Variants in WSCD2 observed in about 807,000 individuals in gnomAD.
WSCD2 encodes the protein sialate:O-sulfotransferase 2.
WSCD2 carries 28 observed loss-of-function variants against 55.7 expected under a neutral mutation model. That is an observed-to-expected ratio of 0.50 (90% confidence interval 0.37 to 0.69). The LOEUF (loss-of-function observed/expected upper bound fraction) is 0.69, where lower values mean the gene tolerates loss of function less well. WSCD2 is among the 30% of genes least tolerant of loss of function. The pLI, the probability that WSCD2 is intolerant of heterozygous loss-of-function variation, is 0.00. For synonymous variants in WSCD2, 301 were observed against 301.9 expected (o/e 1.00, Z 0.03); for missense variants, 616 against 762.1 (o/e 0.81, Z 2.26).
At chr12:108,226,241 T>G (rs543456235) in intron 5 of WSCD2, among the ~76,000 whole-genome samples, 1 of 152,044 alleles carries the variant, frequency 6.6e-6, no homozygotes, top group Non-Finnish European at 1.5e-5. Flanking sequence ...TAGAAGCAAA[T>G]TGGGCAAAAG....
chr12:108,233,054 C>A (rs1888946506), intron 7 of WSCD2, 159 bp downstream of exon 7: 11 of 909,872 alleles, frequency 1.2e-5, no homozygotes, highest in Admixed American at 5.7e-5. Flanking sequence ...GGTACCCCCC[C>A]ACCTTCCTTT....
chr12:108,219,438 C>G (rs1375694191), intron 4 of WSCD2, among the ~76,000 whole-genome samples: 1 of 152,202 alleles, frequency 6.6e-6, no homozygotes, highest in African/African-American at 2.4e-5. Flanking sequence ...CATCATCACT[C>G]ACACCCTTTC....
chr12:108,170,233 T>C (rs1880097472), intron 1 of WSCD2, among the ~76,000 whole-genome samples: 2 of 152,170 alleles, frequency 1.3e-5, no homozygotes, highest in Non-Finnish European at 2.9e-5. Context: ...GCACAATTTA[T>C]TGCTTAGCTA....
chr12:108,194,620 A>G (rs1474060584), intron 1 of WSCD2, among the ~76,000 whole-genome samples: 1 of 152,204 alleles, frequency 6.6e-6, no homozygotes, highest in Admixed American at 6.5e-5. Flanking sequence ...AGCACATGGT[A>G]GACACTCAAT....
At chr12:108,239,932 G>A (rs1889590698) in intron 7 of WSCD2, among the ~76,000 whole-genome samples, 3 of 151,988 alleles carry the variant, frequency 2.0e-5, no homozygotes, top group Admixed American at 2.0e-4. Flanking sequence ...TGTTGCCCAG[G>A]CTGGTTTCGA....
chr12:108,211,932 G>T (rs768137365), intron 4 of WSCD2, among the ~76,000 whole-genome samples: 7 of 151,678 alleles, frequency 4.6e-5, no homozygotes, highest in Admixed American at 2.0e-4. Flanking sequence ...CAAAGTGCTG[G>T]AATTACAGGC....
At chr12:108,140,941 T>G (rs1876736819) in intron 1 of WSCD2, among the ~76,000 whole-genome samples, 1 of 152,268 alleles carries the variant, frequency 6.6e-6, no homozygotes, top group African/African-American at 2.4e-5. Context: ...TTCGCTCCCA[T>G]GCTGCTTTTC....
At chr12:108,142,840 G>A (rs1876978251) in intron 1 of WSCD2, among the ~76,000 whole-genome samples, 1 of 151,644 alleles carries the variant, frequency 6.6e-6, no homozygotes, top group South Asian at 2.1e-4. Context: ...TAGAGACAAG[G>A]TCTTGCTCTG....
intron 1 of WSCD2, among the ~76,000 whole-genome samples, chr12:108,169,064 C>T (rs926705701): frequency 3.9e-5 from 6 of 152,160 alleles, no homozygotes; most frequent in Non-Finnish European, 8.8e-5. Flanking sequence ...GGAGCACAAA[C>T]CCCACTGTGA....
At chr12:108,239,589 T>TG in intron 7 of WSCD2, among the ~76,000 whole-genome samples, 1 of 152,326 alleles carries the variant, frequency 6.6e-6, no homozygotes, top group Middle Eastern at 3.4e-3. Context: ...CCTCATTCTA[T>TG]GGGCCACAGG....
intron 1 of WSCD2, among the ~76,000 whole-genome samples, chr12:108,164,430 T>C (rs1879412976): frequency 1.3e-5 from 2 of 152,028 alleles, no homozygotes; most frequent in Admixed American, 6.6e-5. Context: ...CTTTGCTTGA[T>C]GTTATTTTTA....
In WSCD2 at chr12:108,134,734, G is replaced by C. The variant is rs141042385; in HGVS notation, c.-552+4808G>C. ...ACTTTTCACTGTTGGTGTCCCATTC[G>C]TACCTTGCTTTCTGTCCATCCTAAT... On this transcript the variant is annotated intron_variant, in intron 1 of 8. Transcript: ENST00000547525. Among the ~76,000 whole-genome samples the C allele has an allele frequency of 2.1e-3, 326 of 152,172 alleles. 2 individuals are homozygous for C. Among genetic ancestry groups the C allele is most frequent in the Non-Finnish European group, 3.8e-3 (261 of 68,006 alleles).
intron 1 of WSCD2, among the ~76,000 whole-genome samples, chr12:108,178,948 A>G (rs1237702107): frequency 6.6e-6 from 1 of 152,192 alleles, no homozygotes; most frequent in African/African-American, 2.4e-5. Flanking sequence ...CAACCTCTGA[A>G]GGAGATACTG....
intron 1 of WSCD2, among the ~76,000 whole-genome samples, chr12:108,143,349 C>T (rs1877051328): frequency 6.6e-6 from 1 of 152,108 alleles, no homozygotes; most frequent in Non-Finnish European, 1.5e-5. Flanking sequence ...ATGTGATCAA[C>T]CATGACACCT....
Position 108,146,981 on chromosome 12 carries a change from G to A in WSCD2, c.-552+17055G>A, listed in dbSNP as rs184688140. ...TCTCTTGCCATTTATTAAACAGATA[G>A]TAATTGAGCTTAGCTGGACCTAGAC... On this transcript the variant is annotated intron_variant, in intron 1 of 8. Transcript: ENST00000547525. 2.4e-3 allele frequency among the ~76,000 whole-genome samples: 366 copies of A among 152,346 alleles called. 2 individuals are homozygous for A. The highest frequency in any genetic ancestry group is 4.3e-3 in the Non-Finnish European group (292 of 68,032).
At chr12:108,226,892 A>G in intron 5 of WSCD2, 98 bp from the exon 6 acceptor site, 1 of 1,373,940 alleles carries the variant, frequency 7.3e-7, no homozygotes, top group East Asian at 2.3e-5. Flanking sequence ...GACAGAGAAG[A>G]CAGTGGTTGA....
chr12:108,169,320 G>A (rs1879980937), intron 1 of WSCD2, among the ~76,000 whole-genome samples: 1 of 152,070 alleles, frequency 6.6e-6, no homozygotes, highest in African/African-American at 2.4e-5. Context: ...GAATCATCCA[G>A]AAACCAATCC....
intron 1 of WSCD2, among the ~76,000 whole-genome samples, chr12:108,191,631 C>T (rs768563951): frequency 6.6e-6 from 1 of 152,122 alleles, no homozygotes; most frequent in African/African-American, 2.4e-5. Flanking sequence ...GGGGGATGAA[C>T]CTGACTCTTT....
intron 1 of WSCD2, among the ~76,000 whole-genome samples, chr12:108,166,815 T>C (rs1879711169): frequency 2.0e-5 from 3 of 146,364 alleles, no homozygotes; most frequent in South Asian, 2.2e-4. Flanking sequence ...CTCTCTTTTT[T>C]TCTTTTTTTT....
Sources: allele counts gnomAD v4.1 joint callset (sites outside exome capture counted in the v4.1 genomes callset), GRCh38; gene constraint gnomAD v4.1.1; transcripts MANE v1.5; gene names NCBI Gene and HGNC (gene_info 2026-07-23, HGNC 2026-07-21).